Variants in KIF26B observed in about 807,000 individuals in gnomAD.
KIF26B encodes the protein kinesin-like protein KIF26B.
In KIF26B, 63 loss-of-function variants were observed where a neutral mutation model predicts 151.2. The ratio of observed to expected loss-of-function variants is 0.42; its 90% CI spans 0.34 to 0.51. KIF26B has a LOEUF of 0.51. Among genes scored for constraint, KIF26B ranks in the 20% least tolerant of loss-of-function variants. The pLI, the probability that KIF26B is intolerant of heterozygous loss-of-function variation, is 0.07. For synonymous variants in KIF26B, 1,357 were observed against 1,262.1 expected, an observed-to-expected ratio of 1.08 and a Z score of -1.59; for missense variants, 2,813 against 2,913.6, an observed-to-expected ratio of 0.97 and a Z score of 0.79.
At chr1:245,484,826 G>A (rs1660245766) in intron 4 of KIF26B, among the ~76,000 whole-genome samples, 1 of 150,376 alleles carries the variant, frequency 6.6e-6, no homozygotes, top group Non-Finnish European at 1.5e-5. Context: ...AAGCTCCCAA[G>A]AGAGTCGATT....
chr1:245,470,576 A>G lies in KIF26B; in HGVS notation c.1166+50831A>G, dbSNP rs374471085. Among the ~76,000 whole-genome samples the G allele has an allele frequency of 4.1e-4, 63 of 151,926 alleles. No individual in the cohort carries two copies. The East Asian group carries it at 8.0e-3, about 19-fold the overall frequency. On this transcript the variant is annotated intron_variant, in intron 4 of 14. Transcript: ENST00000407071. ...CTCCCGAGTAGCTGGGACCACAGGC[A>G]CCCGCCACCACGCCCGGCTAATTTT... is the stretch of plus-strand genomic sequence containing the variant.
Position 245,166,179 on chromosome 1 carries a change from C to G in KIF26B, c.465+9496C>G, listed in dbSNP as rs1156445994. ...TTAGGTGAAATTGTGAGATGCTAGT[C>G]AACCATCGCTTTCTGTTATTATTCC... is the stretch of plus-strand genomic sequence containing the variant. On this transcript the variant is annotated intron_variant, in intron 2 of 14. Transcript: ENST00000407071. The surrounding 1 kb of genome is among the most constrained non-coding windows in gnomAD (Gnocchi z 4.5). Among the ~76,000 whole-genome samples, 2 of 152,148 alleles carry G rather than the reference C, an allele frequency of 1.3e-5. No homozygotes were observed.
intron 4 of KIF26B, among the ~76,000 whole-genome samples, chr1:245,458,003 G>A (rs1364195584): frequency 6.6e-6 from 1 of 152,190 alleles, no homozygotes; most frequent in Admixed American, 6.5e-5. Context: ...ATAAATACCT[G>A]CATTTCCCCC....
intron 3 of KIF26B, among the ~76,000 whole-genome samples, chr1:245,409,541 A>C (rs1674223913): frequency 6.6e-6 from 1 of 152,222 alleles, no homozygotes; most frequent in Non-Finnish European, 1.5e-5. Context: ...CAGCCCTCCT[A>C]GGCCCTGCGT....
rs867590326 is a variant in KIF26B, at chr1:245,687,847, G to A, written c.4864G>A (p.Gly1622Ser). 2 of 1,593,492 alleles carry A rather than the reference G, an allele frequency of 1.3e-6. No individual in the cohort carries two copies. Among genetic ancestry groups the A allele is most frequent in the African/African-American group, 2.7e-5 (2 of 74,476 alleles). Residue 1622 changes from glycine to serine, a missense_variant, in exon 12 of 15, where the codon GGC becomes AGC. Gly to Ser is a moderately conservative substitution (Grantham distance 56). Transcript: ENST00000407071. The surrounding 1 kb of genome is among the most constrained non-coding windows in gnomAD (Gnocchi z 4.9). ...CCCTCAGCACAGTGCCAGCGGCAGC[G>A]GCACCAGCAGCCCCCTGAACCAACC... is the stretch of plus-strand genomic sequence containing the variant. ...ASPQHSASGS[G>S]TSSPLNQPAA...
rs766676569 is a variant in KIF26B, at chr1:245,611,750, C to G, written c.1915-43C>G. ...CACCCAGGCATGAGTGACAGCAAGCCCTCCTCAGCCTGCAGCCTCATCTCT... is the reference window on the plus strand; with the variant it reads ...CACCCAGGCATGAGTGACAGCAAGCGCTCCTCAGCCTGCAGCCTCATCTCT... On this transcript the variant is annotated intron_variant, in intron 8 of 14. Transcript: ENST00000407071. The G allele has an allele frequency of 1.2e-4, 196 of 1,586,336 alleles. 1 individual carries two copies. Among genetic ancestry groups the G allele is most frequent in the Non-Finnish European group, 2.1e-5 (25 of 1,166,784 alleles).
At chr1:245,398,958 A>G (rs1673927946) in intron 3 of KIF26B, among the ~76,000 whole-genome samples, 1 of 152,170 alleles carries the variant, frequency 6.6e-6, no homozygotes, top group Non-Finnish European at 1.5e-5. Context: ...TCTTCGATGC[A>G]TATTTCCTGG....
intron 10 of KIF26B, among the ~76,000 whole-genome samples, chr1:245,679,589 C>T (rs750267476): frequency 1.3e-5 from 2 of 150,898 alleles, no homozygotes; most frequent in Non-Finnish European, 2.9e-5. Context: ...CTGCCTCGGC[C>T]TCCTGAGAAG....
chr1:245,507,844 C>A (rs944418177), intron 4 of KIF26B, among the ~76,000 whole-genome samples: 2 of 152,124 alleles, frequency 1.3e-5, no homozygotes, highest in African/African-American at 2.4e-5. Context: ...TGACAACAAC[C>A]TTTGGTCCTT....
At chr1:245,604,796 G>A (rs1006538518) in intron 6 of KIF26B, among the ~76,000 whole-genome samples, 2 of 152,304 alleles carry the variant, frequency 1.3e-5, no homozygotes, top group Admixed American at 1.3e-4. Flanking sequence ...CATTTCCAAT[G>A]TTATAATAAA....
At chr1:245,604,661 G>C (rs543979099) in intron 6 of KIF26B, among the ~76,000 whole-genome samples, 1 of 152,248 alleles carries the variant, frequency 6.6e-6, no homozygotes, top group East Asian at 1.9e-4. Flanking sequence ...ATGCGTTTTA[G>C]ATTTATTCCA....
intron 3 of KIF26B, among the ~76,000 whole-genome samples, chr1:245,414,073 C>T (rs1008879013): frequency 3.3e-5 from 5 of 152,346 alleles, no homozygotes; most frequent in African/African-American, 1.2e-4. Flanking sequence ...TGTGGCTGCC[C>T]ACCTGGCCTG....
chr1:245,162,135 CCTCTG>C (rs370163195), intron 2 of KIF26B, among the ~76,000 whole-genome samples: 8 of 152,182 alleles, frequency 5.3e-5, no homozygotes, highest in African/African-American at 1.4e-4. Context: ...GGCGGCCAGA[CCTCTG>C]CTCTGTTTTG....
chr1:245,320,587 C>T (rs1326529899), intron 2 of KIF26B, among the ~76,000 whole-genome samples: 1 of 152,180 alleles, frequency 6.6e-6, no homozygotes, highest in Non-Finnish European at 1.5e-5. Flanking sequence ...GTGATTTCCC[C>T]AAAGTGAGAT....
intron 2 of KIF26B, among the ~76,000 whole-genome samples, chr1:245,242,900 T>C (rs1434865515): frequency 6.7e-6 from 1 of 149,028 alleles, no homozygotes; most frequent in Non-Finnish European, 1.5e-5. Context: ...TCTGCCCGCC[T>C]TGGCCTCCCA....
Position 245,422,299 on chromosome 1 carries a change from T to G in KIF26B, c.1166+2554T>G, listed in dbSNP as rs543277891. On this transcript the variant is annotated intron_variant, in intron 4 of 14. Transcript: ENST00000407071. ...TATAGATTTCCCCCCCACCCTTTAC[T>G]CATTACCATATTTTGCCATGTTATT... is the stretch of plus-strand genomic sequence containing the variant. Among the ~76,000 whole-genome samples, 3 of 152,242 alleles carry G rather than the reference T, an allele frequency of 2.0e-5. No individual in the cohort carries two copies. The East Asian group carries it at 5.8e-4, about 29-fold the overall frequency.
intron 2 of KIF26B, among the ~76,000 whole-genome samples, chr1:245,253,866 G>A (rs1670486682): frequency 7.7e-6 from 1 of 129,286 alleles, no homozygotes; most frequent in African/African-American, 3.0e-5. Flanking sequence ...CTGGAGTGCA[G>A]TGGCGCGATC....
chr1:245,350,475 C>CT (rs1672544361), intron 2 of KIF26B, among the ~76,000 whole-genome samples: 1 of 152,148 alleles, frequency 6.6e-6, no homozygotes, highest in South Asian at 2.1e-4. Context: ...TGATTCCAGT[C>CT]TCATCCCAGT....
chr1:245,510,295 T>C (rs1205764155), intron 4 of KIF26B, among the ~76,000 whole-genome samples: 1 of 152,154 alleles, frequency 6.6e-6, no homozygotes, highest in South Asian at 2.1e-4. Context: ...ACTTAGAAAA[T>C]GAAACGTGCA....
Sources: allele counts gnomAD v4.1 joint callset (sites outside exome capture counted in the v4.1 genomes callset), GRCh38; gene constraint gnomAD v4.1.1; non-coding constraint Gnocchi (gnomAD v3.1); transcripts MANE v1.5; gene names NCBI Gene and HGNC (gene_info 2026-07-23, HGNC 2026-07-21).